Variants in SNX25 observed in about 807,000 individuals in gnomAD.
SNX25 encodes the protein sorting nexin-25.
In SNX25, 62 loss-of-function variants were observed where a neutral mutation model predicts 113.7. The observed-to-expected ratio is 0.55, with a 90% CI of 0.44 to 0.67. SNX25 has a LOEUF of 0.67. Ranked by LOEUF, SNX25 falls within the 30% of genes least tolerant of loss-of-function variation. The probability of loss-of-function intolerance (pLI) is 0.00; values close to 1 mark genes in which losing one functional copy is unlikely to be tolerated. For synonymous variants in SNX25, 421 were observed against 436.2 expected, an observed-to-expected ratio of 0.97 and a Z score of 0.43; for missense variants, 1,014 against 1,161.0, an observed-to-expected ratio of 0.87 and a Z score of 1.84.
At chr4:185,311,691 T>C (rs1041181908) in intron 7 of SNX25, among the ~76,000 whole-genome samples, 1 of 152,186 alleles carries the variant, frequency 6.6e-6, no homozygotes, top group Non-Finnish European at 1.5e-5. Flanking sequence ...TGATTTTCAG[T>C]CTCTTGATTC....
At chr4:185,298,037 G>C (rs1444791330) in intron 6 of SNX25, among the ~76,000 whole-genome samples, 1 of 151,126 alleles carries the variant, frequency 6.6e-6, no homozygotes, top group Non-Finnish European at 1.5e-5. Context: ...TCTGTTCCCT[G>C]TCTGTACACC....
At chr4:185,229,788 A>G (rs1741556131) in intron 1 of SNX25, among the ~76,000 whole-genome samples, 1 of 152,174 alleles carries the variant, frequency 6.6e-6, no homozygotes, top group South Asian at 2.1e-4. Context: ...CATAGTGTAG[A>G]CCATTCCAGG....
At chr4:185,292,100 T>C (rs1348875895) in intron 6 of SNX25, among the ~76,000 whole-genome samples, 5 of 152,168 alleles carry the variant, frequency 3.3e-5, no homozygotes, top group Non-Finnish European at 7.4e-5. Flanking sequence ...TTAGTCTCTT[T>C]TAAGACTATA....
intron 6 of SNX25, among the ~76,000 whole-genome samples, chr4:185,303,197 C>T (rs188885402): frequency 3.7e-4 from 56 of 152,206 alleles, no homozygotes; most frequent in African/African-American, 1.3e-3. Flanking sequence ...ATCTGAGTTC[C>T]GGGTGTATAT....
Position 185,320,822 on chromosome 4 carries a change from T to A in SNX25, c.1434T>A (p.Ile478=), listed in dbSNP as rs142009803. 1.2e-4 allele frequency: 193 copies of A among 1,606,366 alleles called. No individual in the cohort carries two copies. Among genetic ancestry groups the A allele is most frequent in the Admixed American group, 3.4e-4 (20 of 58,588 alleles). The change falls in exon 8 of 19, where the codon ATT becomes ATA. Residue 478 remains isoleucine (I), a synonymous_variant. Coordinates refer to ENST00000652585, the MANE Select transcript of SNX25 (RefSeq NM_001378034.2). The part of the protein sequence containing the change: ...YMERMDKRAL[I]SFWESVEHLK... Reference sequence around the variant, plus strand: ...AAAGGATGGACAAAAGAGCTCTGATTAGTTTTTGGGAATCTGTGGAACATT... The same window carrying A: ...AAAGGATGGACAAAAGAGCTCTGATAAGTTTTTGGGAATCTGTGGAACATT...
chr4:185,252,264 T>G (rs997729670), intron 2 of SNX25, among the ~76,000 whole-genome samples: 9 of 152,334 alleles, frequency 5.9e-5, no homozygotes, highest in Admixed American at 2.0e-4. Flanking sequence ...CTAAGAGGTT[T>G]CATCAGCATG....
intron 10 of SNX25, among the ~76,000 whole-genome samples, chr4:185,338,598 T>C (rs2095244570): frequency 6.6e-6 from 1 of 152,178 alleles, no homozygotes; most frequent in South Asian, 2.1e-4. Context: ...CCCTATATTC[T>C]GTAAGTTTTA....
chr4:185,210,460 G>T lies in SNX25; in HGVS notation c.429+205G>T, dbSNP rs1479726824. Among the ~76,000 whole-genome samples the T allele has an allele frequency of 2.7e-5, 4 of 149,842 alleles. No individual in the cohort carries two copies. The highest frequency in any genetic ancestry group is 4.9e-5 in the African/African-American group (2 of 41,180). On this transcript the variant is annotated intron_variant, in intron 1 of 18. Transcript: ENST00000652585. The surrounding 1 kb of genome is among the most constrained non-coding windows in gnomAD (Gnocchi z 4.4). ...GCGGGCTCCGGGCTCCGGGCTCCGCGCTCCGCGGTGCTGGAGGAGATGCGC... is the reference window on the plus strand; with the variant it reads ...GCGGGCTCCGGGCTCCGGGCTCCGCTCTCCGCGGTGCTGGAGGAGATGCGC...
rs1737437765 is a variant in SNX25 at position 185,209,716 on chromosome 4, C to T, written c.-111C>T. The stretch of plus-strand genomic sequence containing the variant: ...CCGGCGGCGTCTGCGGGGGCCGCTC[C>T]CTCGGTGGGCCGCGGGCGAGGCATG... On this transcript the variant is annotated 5_prime_UTR_variant, in exon 1 of 19. Transcript: ENST00000652585. This position sits in a 1 kb window ranked among gnomAD's most constrained non-coding sequence, Gnocchi z 5.2. 1.0e-6 allele frequency: 1 copy of T among 983,856 alleles called. No individual in the cohort carries two copies. Among genetic ancestry groups the T allele is most frequent in the South Asian group, 4.7e-5 (1 of 21,276 alleles). The allele number at this position is 983,856 out of a possible 1,614,324, so 60.9% of individuals were successfully genotyped here. A position where few individuals can be genotyped will look rare whatever the true frequency, so the allele number is the denominator to read the frequency against.
intron 1 of SNX25, among the ~76,000 whole-genome samples, chr4:185,211,932 C>T (rs1351694192): frequency 6.6e-6 from 1 of 151,960 alleles, no homozygotes; most frequent in African/African-American, 2.4e-5. Context: ...GTAGGTAAAA[C>T]GTGGATTATC....
At chr4:185,320,432 C>T (rs1374679004) in intron 7 of SNX25, among the ~76,000 whole-genome samples, 2 of 151,980 alleles carry the variant, frequency 1.3e-5, no homozygotes, top group East Asian at 3.9e-4. Context: ...ACAATGAGAA[C>T]ACATGGACAC....
intron 15 of SNX25, among the ~76,000 whole-genome samples, chr4:185,356,574 A>T (rs2095340223): frequency 6.6e-6 from 1 of 152,228 alleles, no homozygotes; most frequent in South Asian, 2.1e-4. Context: ...ATACTACTTT[A>T]ACTGGATATT....
At chr4:185,262,648 T>C (rs1747486433) in intron 3 of SNX25, among the ~76,000 whole-genome samples, 1 of 152,214 alleles carries the variant, frequency 6.6e-6, no homozygotes. Flanking sequence ...AATTTTCTCA[T>C]CTATAGAATA....
chr4:185,227,549 A>G (rs1741205652), intron 1 of SNX25, among the ~76,000 whole-genome samples: 2 of 152,220 alleles, frequency 1.3e-5, no homozygotes. Context: ...TTGCCCTTCC[A>G]TCCAGGCAGC....
chr4:185,213,593 TG>T (rs1738285493), intron 1 of SNX25, among the ~76,000 whole-genome samples: 1 of 152,024 alleles, frequency 6.6e-6, no homozygotes, highest in Non-Finnish European at 1.5e-5. Flanking sequence ...GTTGTCAGAG[TG>T]TGGTGTCCCG....
intron 8 of SNX25, among the ~76,000 whole-genome samples, chr4:185,322,509 T>G (rs938875318): frequency 3.3e-5 from 5 of 152,348 alleles, no homozygotes; most frequent in African/African-American, 1.2e-4. Context: ...CAGAATAGAC[T>G]GCCAAATATA....
chr4:185,355,241 C>T (rs936408845), intron 15 of SNX25, among the ~76,000 whole-genome samples: 3 of 152,300 alleles, frequency 2.0e-5, no homozygotes, highest in Middle Eastern at 3.4e-3. Context: ...ATGTTAAGTG[C>T]CAGAATGAAT....
At chr4:185,265,310 A>G (rs1032299066) in intron 4 of SNX25, among the ~76,000 whole-genome samples, 1 of 152,246 alleles carries the variant, frequency 6.6e-6, no homozygotes, top group Non-Finnish European at 1.5e-5. Flanking sequence ...GGGATAGCCC[A>G]CTACACATGT....
At chr4:185,222,660 C>G (rs1278989525) in intron 1 of SNX25, among the ~76,000 whole-genome samples, 3 of 152,192 alleles carry the variant, frequency 2.0e-5, no homozygotes, top group African/African-American at 7.2e-5. Flanking sequence ...TTATTGAACT[C>G]CATATGAAGG....
Sources: gnomAD v4.1 joint callset for allele counts (sites outside exome capture counted in the v4.1 genomes callset) on GRCh38, gnomAD v4.1.1 for gene constraint, Gnocchi (gnomAD v3.1) non-coding constraint, MANE v1.5 for transcripts, NCBI Gene and HGNC (gene_info 2026-07-23, HGNC 2026-07-21) for gene names.